Variants in HPRT1 observed in about 807,000 individuals in gnomAD.
The protein encoded by HPRT1 is hypoxanthine phosphoribosyltransferase 1.
A neutral mutation model predicts 19.0 loss-of-function variants in HPRT1; 4 were observed. That is an observed-to-expected ratio of 0.21 (90% CI 0.10 to 0.48). The LOEUF (loss-of-function observed/expected upper bound fraction) is 0.48. Among genes scored for constraint, HPRT1 ranks in the 20% least tolerant of loss-of-function variants. The pLI is 0.98. For missense variants in HPRT1, 65 were observed against 164.0 expected, an observed-to-expected ratio of 0.40 and a Z score of 3.30; for synonymous variants, 53 against 54.9, an observed-to-expected ratio of 0.97 and a Z score of 0.15.
intron 3 of HPRT1, among the ~76,000 whole-genome samples, chrX:134,477,810 A>G (rs1322784349): frequency 9.1e-6 from 1 of 109,501 alleles, no homozygotes; most frequent in Non-Finnish European, 1.9e-5. Context: ...AGTAGCTGGG[A>G]CTAACAGGTG....
At position 134,460,260 on chromosome X, in the gene HPRT1, C is replaced by A; in HGVS notation, c.-52C>A. On this transcript the variant is annotated 5_prime_UTR_variant, in exon 1 of 9. Transcript: ENST00000298556. The stretch of plus-strand genomic sequence containing the variant: ...CGCCTCCGCCTCCTCCTCTGCTCCG[C>A]CACCGGCTTCCTCCTCCTGAGCAGT... The A allele has an allele frequency of 9.0e-7, 1 of 1,115,434 alleles. No individual in the cohort carries two copies. Among genetic ancestry groups the A allele is most frequent in the Admixed American group, 2.7e-5 (1 of 36,947 alleles). 91.9% of individuals were successfully genotyped at this position (1,115,434 alleles called of 1,213,427 possible).
chrX:134,489,770 A>G (rs1341715138), intron 4 of HPRT1, among the ~76,000 whole-genome samples: 1 of 111,619 alleles, frequency 9.0e-6, no homozygotes, highest in Non-Finnish European at 1.9e-5. Flanking sequence ...TGGAGTCCAT[A>G]TGGTAAATTA....
Position 134,460,352 on chromosome X carries a change from C to T in HPRT1, c.27+14C>T. The T allele has an allele frequency of 1.8e-6, 2 of 1,110,735 alleles. No homozygotes were observed. Among genetic ancestry groups the T allele is most frequent in the East Asian group, 7.7e-5 (2 of 25,866 alleles). The allele number at this position is 1,110,735 out of a possible 1,213,427, so 91.5% of individuals were successfully genotyped here. On this transcript the variant is annotated intron_variant, in intron 1 of 8. Coordinates refer to ENST00000298556, the MANE Select transcript of HPRT1 (RefSeq NM_000194.3). ...CCTGGCGTCGTGGTGAGCAGCTCGG[C>T]CTGCCGGCCCTGGCCGGTTCAGGCC...
At chrX:134,467,021 C>G (rs2124285820) in intron 1 of HPRT1, among the ~76,000 whole-genome samples, 1 of 100,360 alleles carries the variant, frequency 1.0e-5, no homozygotes, top group African/African-American at 3.7e-5. Context: ...GTATATATGC[C>G]TTTCCCACTA....
chrX:134,484,885 G>A (rs1399238267), intron 3 of HPRT1, among the ~76,000 whole-genome samples: 1 of 111,197 alleles, frequency 9.0e-6, no homozygotes, highest in Non-Finnish European at 1.9e-5. Flanking sequence ...TGTTTCTCGG[G>A]CTGGCCTTGA....
At chrX:134,479,519 C>T (rs779031942) in intron 3 of HPRT1, among the ~76,000 whole-genome samples, 2 of 112,180 alleles carry the variant, frequency 1.8e-5, no homozygotes, top group East Asian at 5.6e-4. Flanking sequence ...ATCCACCCGC[C>T]TCGGACTCCC....
intron 3 of HPRT1, among the ~76,000 whole-genome samples, chrX:134,477,055 TTTTA>T (rs1406574113): frequency 1.1e-5 from 1 of 89,182 alleles, no homozygotes; most frequent in East Asian, 4.1e-4. Context: ...TTTTATTTTA[TTTTA>T]TTTATTTATT....
chrX:134,465,533 C>T (rs772607207), intron 1 of HPRT1, among the ~76,000 whole-genome samples: 2 of 111,697 alleles, frequency 1.8e-5, no homozygotes, highest in East Asian at 5.6e-4. Flanking sequence ...TTTCAGTAAT[C>T]GATTATAGCA....
intron 1 of HPRT1, among the ~76,000 whole-genome samples, chrX:134,471,147 G>A (rs1395143691): frequency 9.2e-6 from 1 of 109,172 alleles, no homozygotes; most frequent in Non-Finnish European, 1.9e-5. Flanking sequence ...ATATAAAAAC[G>A]CATGCTGCCA....
intron 3 of HPRT1, among the ~76,000 whole-genome samples, chrX:134,484,753 T>G (rs2077648470): frequency 8.9e-6 from 1 of 112,275 alleles, no homozygotes. Flanking sequence ...TTACATTGTG[T>G]AGATGAACTT....
At chrX:134,466,721 A>G (rs1480380059) in intron 1 of HPRT1, among the ~76,000 whole-genome samples, 2 of 112,132 alleles carry the variant, frequency 1.8e-5, no homozygotes, top group East Asian at 5.6e-4. Context: ...ATATTCATAC[A>G]GAAAGTTGGG....
At chrX:134,471,537 A>G (rs1243081813) in intron 1 of HPRT1, among the ~76,000 whole-genome samples, 1 of 112,224 alleles carries the variant, frequency 8.9e-6, no homozygotes, top group Non-Finnish European at 1.9e-5. Context: ...TTGGGTTTTC[A>G]AAAGATCACT....
chrX:134,489,874 A>T (rs183395031), intron 4 of HPRT1, among the ~76,000 whole-genome samples: 1 of 112,044 alleles, frequency 8.9e-6, no homozygotes, highest in Non-Finnish European at 1.9e-5. Flanking sequence ...GTTTCATTTA[A>T]CACATGGGAA....
chrX:134,483,487 G>A (rs1235934130), intron 3 of HPRT1, among the ~76,000 whole-genome samples: 2 of 111,848 alleles, frequency 1.8e-5, no homozygotes, highest in African/African-American at 6.5e-5. Context: ...ATTTTATGTA[G>A]TTGACAGTGA....
chrX:134,497,863 C>T (rs2077685686), intron 6 of HPRT1, among the ~76,000 whole-genome samples: 2 of 108,874 alleles, frequency 1.8e-5, no homozygotes, highest in Admixed American at 2.0e-4. Context: ...GGGAGAATGG[C>T]GTGAACCCAG....
chrX:134,471,954 G>GTT (rs17878519), intron 1 of HPRT1, among the ~76,000 whole-genome samples: 8 of 109,609 alleles, frequency 7.3e-5, no homozygotes, highest in Admixed American at 4.9e-4. Context: ...TTTTCTTGTG[G>GTT]TTTTTTTTGT....
At chrX:134,480,202 T>A (rs1349146991) in intron 3 of HPRT1, among the ~76,000 whole-genome samples, 1 of 111,553 alleles carries the variant, frequency 9.0e-6, no homozygotes. Flanking sequence ...ACAGAGGGAT[T>A]AAGTAACTTA....
intron 5 of HPRT1, among the ~76,000 whole-genome samples, chrX:134,490,808 C>T (rs904971649): frequency 1.4e-4 from 15 of 108,959 alleles, no homozygotes; most frequent in Non-Finnish European, 1.9e-4. Context: ...AACAAGTTTC[C>T]GAGTGATTCT....
At chrX:134,494,796 A>G (rs1351333611) in intron 6 of HPRT1, among the ~76,000 whole-genome samples, 2 of 110,654 alleles carry the variant, frequency 1.8e-5, no homozygotes, top group Non-Finnish European at 3.8e-5. Context: ...CTTTCCTGGT[A>G]TATGCTGTGG....
Sources: gnomAD v4.1 joint callset for allele counts (sites outside exome capture counted in the v4.1 genomes callset) on GRCh38, gnomAD v4.1.1 for gene constraint, MANE v1.5 for transcripts, NCBI Gene and HGNC (gene_info 2026-07-23, HGNC 2026-07-21) for gene names.